Variants in TNRC18 observed in about 807,000 individuals in gnomAD.
TNRC18 encodes the protein trinucleotide repeat-containing gene 18 protein.
A neutral mutation model predicts 226.7 loss-of-function variants in TNRC18; 69 were observed. That is an observed-to-expected ratio of 0.30 (90% CI 0.25 to 0.37). The LOEUF is 0.37. TNRC18 is among the 10% of genes least tolerant of loss of function. The probability of loss-of-function intolerance (pLI) is 1.00; values close to 1 mark genes in which losing one functional copy is unlikely to be tolerated. For missense variants in TNRC18, 4,754 were observed against 4,256.6 expected (o/e 1.12, Z -3.25); for synonymous variants, 2,449 against 1,927.6 (o/e 1.27, Z -7.09).
chr7:5,377,299 G>C lies in TNRC18; in HGVS notation c.2461+72C>G. 1.4e-6 allele frequency: 2 copies of C among 1,407,042 alleles called. No individual in the cohort carries two copies. The highest frequency in any genetic ancestry group is 1.9e-6 in the Non-Finnish European group (2 of 1,056,800). 87.2% of individuals were successfully genotyped at this position (1,407,042 alleles called of 1,614,324 possible). On this transcript the variant is annotated intron_variant, in intron 7 of 29. Coordinates refer to ENST00000430969, the MANE Select transcript of TNRC18 (RefSeq NM_001080495.3). The surrounding 1 kb of genome is among the most constrained non-coding windows in gnomAD (Gnocchi z 5.8). ...AACGGCAGGCAGGAGCCAGCCCTGA[G>C]CTCTTGTCCTGCACCCGCCCCCTCC... is the stretch of plus-strand genomic sequence containing the variant.
intron 2 of TNRC18, among the ~76,000 whole-genome samples, chr7:5,414,602 C>T (rs1327011363): frequency 1.3e-5 from 2 of 151,844 alleles, no homozygotes; most frequent in Non-Finnish European, 2.9e-5. Context: ...TTAGTAGAGA[C>T]GGGGTTTCAC....
chr7:5,360,879 C>T (rs1040393824), intron 14 of TNRC18, among the ~76,000 whole-genome samples: 1 of 151,776 alleles, frequency 6.6e-6, no homozygotes, highest in Non-Finnish European at 1.5e-5. Context: ...CTCCGAAGGT[C>T]CCCCCACGCT....
intron 17 of TNRC18, among the ~76,000 whole-genome samples, chr7:5,347,344 A>C (rs1583858554): frequency 6.9e-6 from 1 of 145,524 alleles, no homozygotes; most frequent in Non-Finnish European, 1.5e-5. Context: ...CCACCACCAC[A>C]CCAGGCTAAT....
rs1316031564 is a variant in TNRC18, at chr7:5,314,004, C to G, written c.7028-141G>C. 6 of 969,098 alleles carry G rather than the reference C, an allele frequency of 6.2e-6. No individual in the cohort carries two copies. The East Asian group carries it at 1.8e-4, about 29-fold the overall frequency. 60.0% of individuals were successfully genotyped at this position (969,098 alleles called of 1,614,324 possible). A position where few individuals can be genotyped will look rare whatever the true frequency, so the allele number is the denominator to read the frequency against. ...TGAGATGGGGTCTCAGTCACCCAAG[C>G]TGGAATGCAGTGGCGTCATCAGGGC... On this transcript the variant is annotated intron_variant, in intron 26 of 29. Transcript: ENST00000430969.
chr7:5,419,834 CAAAG>C (rs1036744481), intron 2 of TNRC18: 2 of 152,336 alleles, frequency 1.3e-5, no homozygotes, highest in Non-Finnish European at 1.5e-5. Context: ...GGAGAAAAAT[CAAAG>C]AGAGAGCAAA....
chr7:5,316,756 C>T (rs1442484756), intron 24 of TNRC18, among the ~76,000 whole-genome samples: 6 of 152,296 alleles, frequency 3.9e-5, no homozygotes, highest in East Asian at 3.9e-4. Flanking sequence ...GTGGCATTTC[C>T]GGAGAGATGC....
intron 1 of TNRC18, among the ~76,000 whole-genome samples, chr7:5,422,081 A>G (rs1782621548): frequency 2.0e-5 from 3 of 152,112 alleles, no homozygotes; most frequent in African/African-American, 7.2e-5. Flanking sequence ...TTATTTTTAA[A>G]GAGGCTCGTG....
chr7:5,390,740 G>A (rs1322302526), intron 3 of TNRC18, 112 bp from the exon 4 acceptor site: 18 of 1,305,958 alleles, frequency 1.4e-5, no homozygotes, highest in East Asian at 2.6e-5. Flanking sequence ...GGTACAGGGC[G>A]CCTTGAGGTT....
At chr7:5,401,387 G>A (rs1158646751) in intron 2 of TNRC18, among the ~76,000 whole-genome samples, 2 of 152,110 alleles carry the variant, frequency 1.3e-5, no homozygotes, top group African/African-American at 4.8e-5. Flanking sequence ...CAGATATACA[G>A]GGAAGACCCT....
intron 24 of TNRC18, among the ~76,000 whole-genome samples, chr7:5,316,274 C>CTCTTTTTT (rs1405579367): frequency 2.0e-4 from 17 of 86,552 alleles, no homozygotes; most frequent in African/African-American, 7.5e-4. Context: ...AGAAATGGGT[C>CTCTTTTTT]TTTTTTTTTT....
chr7:5,418,706 C>T (rs1445551990), intron 2 of TNRC18, among the ~76,000 whole-genome samples: 1 of 152,130 alleles, frequency 6.6e-6, no homozygotes, highest in Non-Finnish European at 1.5e-5. Context: ...TGCCGACAGC[C>T]AAGGAAGAGA....
Position 5,351,875 on chromosome 7 carries a change from C to G in TNRC18, c.5414G>C (p.Arg1805Pro), listed in dbSNP as rs765428001. 12 of 1,612,774 alleles carry G rather than the reference C, an allele frequency of 7.4e-6. No homozygotes were observed. The highest frequency in any genetic ancestry group is 5.3e-5 in the African/African-American group (4 of 74,860). ...SRKQPFCLLL[R>P]EAEARSSFSD... The stretch of plus-strand genomic sequence containing the variant: ...GAAGGAGGAACGCGCCTCGGCCTCT[C>G]GAAGCAGCAGACAAAACGGCTGCTT... Residue 1805 changes from arginine to proline, a missense_variant, in exon 17 of 30, where the codon CGA becomes CCA. Physicochemically the swap from Arg to Pro is moderately radical, Grantham distance 103. Coordinates refer to ENST00000430969, the MANE Select transcript of TNRC18 (RefSeq NM_001080495.3).
In TNRC18 at chr7:5,370,841, G is replaced by A. The variant is rs779371158; in HGVS notation, c.3753C>T (p.Pro1251=). ...AALDLGVQLT[P]ETLVEAKEEP... The stretch of plus-strand genomic sequence containing the variant: ...CCTCCTTGGCCTCCACCAGTGTCTC[G>A]GGTGTCAGCTGCACCCCCAGGTCCA... Residue 1251 remains proline (P), a synonymous_variant, in exon 11 of 30, where the codon CCC becomes CCT. Transcript: ENST00000430969. 2.4e-5 allele frequency: 38 copies of A among 1,609,036 alleles called. No individual in the cohort carries two copies. In the African/African-American group the frequency reaches 2.5e-4, roughly 11 times the overall value.
chr7:5,415,122 G>A (rs970889724), intron 2 of TNRC18, among the ~76,000 whole-genome samples: 1 of 152,028 alleles, frequency 6.6e-6, no homozygotes, highest in South Asian at 2.1e-4. Context: ...GGCTTTCAGG[G>A]ACCTGAAGGA....
Position 5,325,667 on chromosome 7 carries a change from G to T in TNRC18, c.6148-419C>A, listed in dbSNP as rs1417371924. The T allele has an allele frequency of 1.8e-5, 3 of 163,186 alleles. No homozygotes were observed. In the East Asian group the frequency reaches 5.7e-4, roughly 31 times the overall value. The allele number at this position is 163,186 out of a possible 1,614,324, so 10.1% of individuals were successfully genotyped here. A position where few individuals can be genotyped will look rare whatever the true frequency, so the allele number is the denominator to read the frequency against. On this transcript the variant is annotated intron_variant, in intron 19 of 29. Coordinates refer to ENST00000430969, the MANE Select transcript of TNRC18 (RefSeq NM_001080495.3). Reference sequence around the variant, plus strand: ...TCTCGATCTCCTGACCTTGTGATCTGCCCGCCTCGGCCTCCCAAAGTGCTG... The same window carrying T: ...TCTCGATCTCCTGACCTTGTGATCTTCCCGCCTCGGCCTCCCAAAGTGCTG...
chr7:5,332,678 G>A lies in TNRC18; in HGVS notation c.6091C>T (p.Pro2031Ser), dbSNP rs1789661152. ...CCGGCGTCCTTGCGCGGGCTCAGGG[G>A]GCCGCCCTTGGCGCAGCGGCTGGTC... ...TKTSRCAKGG[P>S]LSPRKDAGRA... Residue 2031 changes from proline (P) to serine (S), a missense_variant, in exon 19 of 30, where the codon CCC becomes TCC. Physicochemically the swap from Pro to Ser is moderately conservative, Grantham distance 74 (BLOSUM62 -1). Transcript: ENST00000430969. The A allele has an allele frequency of 6.5e-7, 1 of 1,529,908 alleles. No individual in the cohort carries two copies. Among genetic ancestry groups the A allele is most frequent in the Middle Eastern group, 2.3e-4 (1 of 4,360 alleles). 94.8% of individuals were successfully genotyped at this position (1,529,908 alleles called of 1,614,324 possible).
chr7:5,401,354 C>A (rs115632637), intron 2 of TNRC18, among the ~76,000 whole-genome samples: 1 of 152,126 alleles, frequency 6.6e-6, no homozygotes. Context: ...CTCTGCCCCT[C>A]GCCCTGAATC....
intron 19 of TNRC18, chr7:5,325,548 CG>C: frequency 3.1e-6 from 1 of 323,398 alleles, no homozygotes; most frequent in Non-Finnish European, 5.7e-6. Context: ...CTCAGCCTCC[CG>C]AGTAGCTGGG....
chr7:5,332,944 G>C lies in TNRC18; in HGVS notation c.5825C>G (p.Ser1942Cys). The C allele has an allele frequency of 6.4e-7, 1 of 1,551,394 alleles. No individual in the cohort carries two copies. Among genetic ancestry groups the C allele is most frequent in the Non-Finnish European group, 8.7e-7 (1 of 1,155,884 alleles). Residue 1942 changes from serine to cysteine, a missense_variant, in exon 19 of 30, where the codon TCC becomes TGC. Coordinates refer to ENST00000430969, the MANE Select transcript of TNRC18 (RefSeq NM_001080495.3). Reference sequence around the variant, plus strand: ...GGCGCCAGGCGTGGGTGCGGCCAGGGAGGGTCCCGGCTCCCCCAGCCCCTT... The same window carrying C: ...GGCGCCAGGCGTGGGTGCGGCCAGGCAGGGTCCCGGCTCCCCCAGCCCCTT... ...PKKGLGEPGP[S>C]LAAPTPGARG...
Sources: allele counts gnomAD v4.1 joint callset (sites outside exome capture counted in the v4.1 genomes callset), GRCh38; gene constraint gnomAD v4.1.1; non-coding constraint Gnocchi (gnomAD v3.1); transcripts MANE v1.5; gene names NCBI Gene and HGNC (gene_info 2026-07-23, HGNC 2026-07-21).